SH3BGRL2: variants seen among roughly 807,000 people sequenced by gnomAD.
The protein encoded by SH3BGRL2 is SH3 domain binding glutamate rich protein like 2, also known as SH3 domain-binding glutamic acid-rich-like protein 2.
Under a neutral mutation model 14.8 loss-of-function variants are expected in SH3BGRL2, and 21 were observed. The observed-to-expected ratio is 1.42, with a 90% CI of 1.01 to 2.05. The LOEUF is 2.05. SH3BGRL2 is among the 30% of genes most tolerant of loss of function. SH3BGRL2 has a pLI of 0.00. For synonymous variants in SH3BGRL2, 50 were observed against 47.8 expected (o/e 1.05, Z -0.19); for missense variants, 147 against 130.8 (o/e 1.12, Z -0.61).
At chr6:79,560,270 T>A in the SH3BGRL2 span, among the ~76,000 whole-genome samples, 3 of 152,164 alleles carry the variant, frequency 2.0e-5, no homozygotes, top group Non-Finnish European at 2.9e-5. Flanking sequence ...AAAATAAAGG[T>A]TAGCATAACT....
chr6:79,627,741 T>G (rs1034326317), upstream of SH3BGRL2, among the ~76,000 whole-genome samples: 12 of 152,276 alleles, frequency 7.9e-5, no homozygotes, highest in African/African-American at 2.6e-4. Flanking sequence ...GTAGGAGATC[T>G]CCAAGGGACT....
intron 2 of SH3BGRL2, among the ~76,000 whole-genome samples, chr6:79,689,119 G>A (rs1582738896): frequency 6.6e-6 from 1 of 152,024 alleles, no homozygotes. Context: ...GTGTCTGTCA[G>A]GTACTAGTCT....
At chr6:79,624,951 T>A in the SH3BGRL2 span, among the ~76,000 whole-genome samples, 1 of 152,100 alleles carries the variant, frequency 6.6e-6, no homozygotes, top group East Asian at 1.9e-4. Flanking sequence ...ACAGGAGGAC[T>A]GCTTAAGCCC....
intron 1 of SH3BGRL2, among the ~76,000 whole-genome samples, chr6:79,673,074 T>TATAC (rs999932706): frequency 6.6e-6 from 1 of 151,318 alleles, no homozygotes; most frequent in Non-Finnish European, 1.5e-5. Context: ...TCAGATAGTC[T>TATAC]ATACGTGGTT....
At chr6:79,689,417 A>G (rs1296269613) in intron 2 of SH3BGRL2, among the ~76,000 whole-genome samples, 1 of 152,194 alleles carries the variant, frequency 6.6e-6, no homozygotes, top group Non-Finnish European at 1.5e-5. Context: ...CTATTCTGAG[A>G]TTTCTAAACA....
At chr6:79,577,189 G>A in the SH3BGRL2 span, among the ~76,000 whole-genome samples, 1 of 152,284 alleles carries the variant, frequency 6.6e-6, no homozygotes, top group Non-Finnish European at 1.5e-5. Flanking sequence ...CCATATATGT[G>A]TATGTATGTT....
intron 1 of SH3BGRL2, among the ~76,000 whole-genome samples, chr6:79,632,807 G>GCCA (rs2127721711): frequency 6.6e-6 from 1 of 152,312 alleles, no homozygotes; most frequent in East Asian, 1.9e-4. Flanking sequence ...CCCCACTGAA[G>GCCA]CCACACTTCA....
At chr6:79,638,930 C>A (rs1260144680) in intron 1 of SH3BGRL2, among the ~76,000 whole-genome samples, 2 of 152,044 alleles carry the variant, frequency 1.3e-5, no homozygotes, top group South Asian at 4.1e-4. Context: ...TAAATTTTGA[C>A]ATATATTTAT....
chr6:79,633,795 A>G (rs186170651), intron 1 of SH3BGRL2, among the ~76,000 whole-genome samples: 118 of 152,266 alleles, frequency 7.7e-4, no homozygotes, highest in Non-Finnish European at 1.3e-3. Flanking sequence ...CCATACTTTT[A>G]GTGATGTTAA....
chr6:79,551,308 C>CA, the SH3BGRL2 span, among the ~76,000 whole-genome samples: 1 of 152,134 alleles, frequency 6.6e-6, no homozygotes, highest in East Asian at 1.9e-4. Context: ...GACAGTATTG[C>CA]AATATTCAGG....
intron 3 of SH3BGRL2, among the ~76,000 whole-genome samples, chr6:79,698,046 T>C (rs1770368898): frequency 6.6e-6 from 1 of 152,210 alleles, no homozygotes; most frequent in African/African-American, 2.4e-5. Flanking sequence ...AGTATTAAAG[T>C]TGATCTTGGT....
the SH3BGRL2 span, among the ~76,000 whole-genome samples, chr6:79,602,713 C>T: frequency 5.3e-5 from 8 of 152,034 alleles, no homozygotes; most frequent in African/African-American, 1.9e-4. Context: ...TCAACTCAAA[C>T]GTTAAGAAAA....
rs529929696 is a variant in SH3BGRL2 at position 79,675,437 on chromosome 6, G to T, written c.231+1638G>T. Among the ~76,000 whole-genome samples, 91 of 152,158 alleles carry T rather than the reference G, an allele frequency of 6.0e-4. 1 individual carries two copies. The South Asian group carries it at 0.014, about 23-fold the overall frequency. Reference sequence around the variant, plus strand: ...CCACATCTTTTGGTGAATTACTATGGTATGAGCTATTTTTCATTCATTGTG... The same window carrying T: ...CCACATCTTTTGGTGAATTACTATGTTATGAGCTATTTTTCATTCATTGTG... On this transcript the variant is annotated intron_variant, in intron 2 of 3. Transcript: ENST00000369838.
At chr6:79,540,445 A>G in the SH3BGRL2 span, among the ~76,000 whole-genome samples, 1 of 151,210 alleles carries the variant, frequency 6.6e-6, no homozygotes, top group South Asian at 2.1e-4. Flanking sequence ...AAAAATAAAT[A>G]AATAAATAAA....
intron 1 of SH3BGRL2, among the ~76,000 whole-genome samples, chr6:79,655,228 G>T (rs1399127564): frequency 1.3e-5 from 2 of 152,086 alleles, no homozygotes; most frequent in East Asian, 3.9e-4. Context: ...CTGGAAAGAG[G>T]TTTCATGGGC....
the SH3BGRL2 span, among the ~76,000 whole-genome samples, chr6:79,558,594 G>T: frequency 6.6e-6 from 1 of 152,032 alleles, no homozygotes; most frequent in Non-Finnish European, 1.5e-5. Context: ...GCCCGGTGCG[G>T]TGGCTCATGC....
chr6:79,561,295 T>C, the SH3BGRL2 span: 1 of 152,102 alleles, frequency 6.6e-6, no homozygotes, highest in African/African-American at 2.4e-5. Context: ...TCTCAAATAT[T>C]TTCAACATGT....
At chr6:79,614,266 G>A in the SH3BGRL2 span, among the ~76,000 whole-genome samples, 1 of 152,122 alleles carries the variant, frequency 6.6e-6, no homozygotes, top group Non-Finnish European at 1.5e-5. Flanking sequence ...AGAGACCCAG[G>A]GCATGATGGG....
intron 2 of SH3BGRL2, among the ~76,000 whole-genome samples, chr6:79,695,853 T>G (rs1212455483): frequency 6.6e-6 from 1 of 152,208 alleles, no homozygotes; most frequent in East Asian, 1.9e-4. Context: ...GTTGAACAGA[T>G]TGACCAGAAT....
Sources: allele counts gnomAD v4.1 joint callset (sites outside exome capture counted in the v4.1 genomes callset), GRCh38; gene constraint gnomAD v4.1.1; transcripts MANE v1.5; gene names NCBI Gene and HGNC (gene_info 2026-07-23, HGNC 2026-07-21).